Variants in PDE10A observed in about 807,000 individuals in gnomAD.
PDE10A encodes the protein cAMP and cAMP-inhibited cGMP 3',5'-cyclic phosphodiesterase 10A.
In PDE10A, 39 loss-of-function variants were observed where a neutral mutation model predicts 97.7. That is an observed-to-expected ratio of 0.40 (90% CI 0.31 to 0.52). The LOEUF (loss-of-function observed/expected upper bound fraction) is 0.52. PDE10A is among the 20% of genes least tolerant of loss of function. PDE10A has a pLI of 0.56. For synonymous variants in PDE10A, 371 were observed against 376.8 expected (o/e 0.98, Z 0.18); for missense variants, 731 against 1,047.8 (o/e 0.70, Z 4.17).
intron 1 of PDE10A, among the ~76,000 whole-genome samples, chr6:165,873,066 G>T (rs1382984560): frequency 6.6e-6 from 1 of 152,134 alleles, no homozygotes; most frequent in Non-Finnish European, 1.5e-5. Context: ...CCCCTCTTTG[G>T]CCAGGTTGTT....
intron 2 of PDE10A, among the ~76,000 whole-genome samples, chr6:165,526,514 T>C (rs1782456618): frequency 6.6e-6 from 1 of 152,098 alleles, no homozygotes; most frequent in Non-Finnish European, 1.5e-5. Context: ...AAAAATAATA[T>C]CACATCTCTG....
intron 2 of PDE10A, among the ~76,000 whole-genome samples, chr6:165,537,898 GT>G (rs1357492384): frequency 6.6e-6 from 1 of 151,666 alleles, no homozygotes; most frequent in Non-Finnish European, 1.5e-5. Context: ...TTTCAAAAAC[GT>G]GTTTTTTTCT....
At chr6:165,569,041 C>T (rs1057261245) in intron 1 of PDE10A, among the ~76,000 whole-genome samples, 1 of 152,158 alleles carries the variant, frequency 6.6e-6, no homozygotes, top group African/African-American at 2.4e-5. Context: ...TCACAGACAA[C>T]AGTACAAATG....
chr6:165,483,818 A>C (rs1469509135), intron 2 of PDE10A, among the ~76,000 whole-genome samples: 1 of 152,224 alleles, frequency 6.6e-6, no homozygotes, highest in African/African-American at 2.4e-5. Flanking sequence ...GGACAGTGTG[A>C]ATGTCCAGAC....
chr6:165,821,512 A>AT (rs1482482757), intron 1 of PDE10A, among the ~76,000 whole-genome samples: 1 of 147,346 alleles, frequency 6.8e-6, no homozygotes, highest in East Asian at 2.1e-4. Context: ...CAACTTGTTT[A>AT]TAATTATTAT....
At chr6:165,471,098 C>T (rs1778973835) in intron 3 of PDE10A, among the ~76,000 whole-genome samples, 1 of 152,256 alleles carries the variant, frequency 6.6e-6, no homozygotes, top group Non-Finnish European at 1.5e-5. Flanking sequence ...CACCAATGAC[C>T]CCACACTGCC....
At chr6:165,475,859 TCCAGCG>T (rs1211925632) in intron 3 of PDE10A, among the ~76,000 whole-genome samples, 11 of 152,182 alleles carry the variant, frequency 7.2e-5, no homozygotes. Context: ...AAATCTGGAT[TCCAGCG>T]CATCAATTTG....
chr6:165,762,379 C>T (rs1008356956), intron 1 of PDE10A, among the ~76,000 whole-genome samples: 2 of 152,002 alleles, frequency 1.3e-5, no homozygotes, highest in Non-Finnish European at 2.9e-5. Flanking sequence ...GTACCTAGAC[C>T]AAACCCCTAG....
intron 18 of PDE10A, among the ~76,000 whole-genome samples, chr6:165,349,548 A>G (rs187586760): frequency 2.0e-5 from 3 of 152,174 alleles, no homozygotes; most frequent in African/African-American, 4.8e-5. Context: ...GAAAAGAAAA[A>G]CCAATTTTCT....
At chr6:165,758,929 T>C (rs778342070) in intron 1 of PDE10A, among the ~76,000 whole-genome samples, 1 of 152,312 alleles carries the variant, frequency 6.6e-6, no homozygotes, top group Non-Finnish European at 1.5e-5. Context: ...ATGCATTTGC[T>C]TACCGAAAAA....
intron 18 of PDE10A, among the ~76,000 whole-genome samples, chr6:165,373,511 C>T (rs552052354): frequency 1.1e-3 from 163 of 152,222 alleles, no homozygotes; most frequent in African/African-American, 3.6e-3. Context: ...CAGAGAAATG[C>T]AAATCAAAAC....
intron 1 of PDE10A, among the ~76,000 whole-genome samples, chr6:165,959,769 C>T (rs1252154788): frequency 1.3e-5 from 2 of 152,110 alleles, no homozygotes; most frequent in African/African-American, 4.8e-5. Context: ...TCCTGCTTCC[C>T]AGGTGCCTGC....
intron 2 of PDE10A, 148 bp downstream of exon 2, chr6:165,543,288 ACTTT>A (rs1239850872): frequency 3.9e-6 from 2 of 509,434 alleles, no homozygotes; most frequent in African/African-American, 2.0e-5. Flanking sequence ...TCTCTAACTT[ACTTT>A]ATCTTTTTAA....
At position 165,825,327 on chromosome 6, in the gene PDE10A, A is replaced by G. The variant is rs949244404; in HGVS notation, c.-615+162202T>C. Among the ~76,000 whole-genome samples, 8 of 152,008 alleles carry G rather than the reference A, an allele frequency of 5.3e-5. No individual in the cohort carries two copies. The South Asian group carries it at 1.0e-3, about 20-fold the overall frequency. ...TGTGGTGGCCAAGTGGGTCTTTTTCATTCCTCATGGCAAAGTGGTTTTTAA... is the reference window on the plus strand; with the variant it reads ...TGTGGTGGCCAAGTGGGTCTTTTTCGTTCCTCATGGCAAAGTGGTTTTTAA... On this transcript the variant is annotated intron_variant, in intron 1 of 19. Coordinates refer to the PDE10A transcript ENST00000366882.
At chr6:165,969,626 G>A (rs1337922307) in intron 1 of PDE10A, among the ~76,000 whole-genome samples, 1 of 151,988 alleles carries the variant, frequency 6.6e-6, no homozygotes, top group Non-Finnish European at 1.5e-5. Context: ...CAACCTAATA[G>A]ATTAAATACA....
chr6:165,556,265 A>C (rs965390880), intron 1 of PDE10A, among the ~76,000 whole-genome samples: 2 of 152,210 alleles, frequency 1.3e-5, no homozygotes, highest in Non-Finnish European at 2.9e-5. Flanking sequence ...GCTGGCGGTT[A>C]AGACCAGCTT....
intron 1 of PDE10A, among the ~76,000 whole-genome samples, chr6:165,916,527 C>T (rs2323121): frequency 0.32 from 49,177 of 151,792 alleles, 8,244 homozygotes; most frequent in Middle Eastern, 0.36. Context: ...CTGTGTCTTA[C>T]GGGACAACAC....
chr6:165,943,394 G>A (rs535411340), intron 1 of PDE10A, among the ~76,000 whole-genome samples: 1 of 138,864 alleles, frequency 7.2e-6, no homozygotes, highest in Non-Finnish European at 1.6e-5. Context: ...TGAGTATACA[G>A]ATCTATTGAG....
At chr6:165,575,201 G>A (rs1176489445) in intron 1 of PDE10A, among the ~76,000 whole-genome samples, 1 of 152,090 alleles carries the variant, frequency 6.6e-6, no homozygotes, top group African/African-American at 2.4e-5. Context: ...CCCCACACTA[G>A]GTAAACCCAA....
Sources: allele counts gnomAD v4.1 joint callset (sites outside exome capture counted in the v4.1 genomes callset), GRCh38; gene constraint gnomAD v4.1.1; transcripts MANE v1.5; gene names NCBI Gene and HGNC (gene_info 2026-07-23, HGNC 2026-07-21).